Variants in SYT1 observed in about 807,000 individuals in gnomAD.
SYT1 encodes synaptotagmin 1.
In SYT1, 8 loss-of-function variants were observed where a neutral mutation model predicts 44.8. That is an observed-to-expected ratio of 0.18 (90% CI 0.10 to 0.32). The LOEUF (loss-of-function observed/expected upper bound fraction) is 0.32, where lower values mean the gene tolerates loss of function less well. Among genes scored for constraint, SYT1 ranks in the 10% least tolerant of loss-of-function variants. The pLI, the probability that SYT1 is intolerant of heterozygous loss-of-function variation, is 1.00. For missense variants in SYT1, 286 were observed against 509.3 expected (o/e 0.56, Z 4.22); for synonymous variants, 154 against 188.8 (o/e 0.82, Z 1.51).
At chr12:79,050,511 T>G (rs1874398607) in intron 3 of SYT1, among the ~76,000 whole-genome samples, 1 of 152,056 alleles carries the variant, frequency 6.6e-6, no homozygotes, top group Non-Finnish European at 1.5e-5. Flanking sequence ...CTGATCACAC[T>G]GGATACTAAT....
At chr12:79,273,039 C>G (rs1238321497) in intron 4 of SYT1, among the ~76,000 whole-genome samples, 14 of 151,868 alleles carry the variant, frequency 9.2e-5, no homozygotes, top group Admixed American at 8.5e-4. Flanking sequence ...TTTTTTACCC[C>G]CAAGATAGCG....
At chr12:79,012,170 G>A (rs1259879923) in intron 2 of SYT1, among the ~76,000 whole-genome samples, 1 of 151,310 alleles carries the variant, frequency 6.6e-6, no homozygotes, top group Non-Finnish European at 1.5e-5. Flanking sequence ...CATCTGTGGT[G>A]TATTATATCT....
At chr12:79,052,073 T>C (rs1874543174) in intron 3 of SYT1, among the ~76,000 whole-genome samples, 1 of 152,130 alleles carries the variant, frequency 6.6e-6, no homozygotes, top group Non-Finnish European at 1.5e-5. Context: ...AGAAAGTCAT[T>C]GGTAGCTTGA....
chr12:79,182,948 G>A (rs921843284), intron 3 of SYT1, among the ~76,000 whole-genome samples: 1 of 152,046 alleles, frequency 6.6e-6, no homozygotes, highest in Non-Finnish European at 1.5e-5. Flanking sequence ...TTTGATGTAG[G>A]TCAAATTCTG....
intron 4 of SYT1, among the ~76,000 whole-genome samples, chr12:79,269,068 G>A (rs1354094498): frequency 6.7e-6 from 1 of 150,034 alleles, no homozygotes; most frequent in Admixed American, 6.7e-5. Flanking sequence ...TGAATTCCAG[G>A]CCCCTTTTAT....
At chr12:79,350,246 CTTTTT>C (rs1166413638) in intron 8 of SYT1, among the ~76,000 whole-genome samples, 2 of 97,562 alleles carry the variant, frequency 2.0e-5, no homozygotes, top group African/African-American at 4.3e-5. Context: ...GATGCATATT[CTTTTT>C]TTTTTTTTTT....
At chr12:78,919,123 G>A (rs1409055247) in intron 1 of SYT1, among the ~76,000 whole-genome samples, 1 of 151,960 alleles carries the variant, frequency 6.6e-6, no homozygotes. Context: ...GTGCTCCTAT[G>A]TGTTATGCAA....
At chr12:78,995,167 A>G (rs1005582108) in intron 2 of SYT1, among the ~76,000 whole-genome samples, 9 of 152,206 alleles carry the variant, frequency 5.9e-5, no homozygotes, top group African/African-American at 1.9e-4. Context: ...AGCTAAATGC[A>G]CAGTGAAGCC....
chr12:79,041,141 T>A (rs1323421694), intron 2 of SYT1, among the ~76,000 whole-genome samples: 1 of 151,062 alleles, frequency 6.6e-6, no homozygotes, highest in Non-Finnish European at 1.5e-5. Context: ...TTTAAAGTAG[T>A]TTTTTCCAAT....
intron 5 of SYT1, among the ~76,000 whole-genome samples, chr12:79,290,760 A>G (rs2138846609): frequency 6.6e-6 from 1 of 152,332 alleles, no homozygotes; most frequent in East Asian, 1.9e-4. Context: ...TAACACAACA[A>G]TGAAGTTGAA....
chr12:79,028,923 G>A (rs990358725), intron 2 of SYT1, among the ~76,000 whole-genome samples: 2 of 151,214 alleles, frequency 1.3e-5, no homozygotes, highest in Admixed American at 6.6e-5. Flanking sequence ...GCCATTCAAG[G>A]TGGAATAATA....
chr12:79,241,506 A>G (rs915178593), intron 4 of SYT1, among the ~76,000 whole-genome samples: 6 of 152,134 alleles, frequency 3.9e-5, no homozygotes, highest in Non-Finnish European at 5.9e-5. Flanking sequence ...TCCTGGCCTC[A>G]GGTGATCCTC....
chr12:79,431,111 C>T (rs544732183), intron 9 of SYT1, among the ~76,000 whole-genome samples: 1 of 152,342 alleles, frequency 6.6e-6, no homozygotes, highest in Admixed American at 6.5e-5. Flanking sequence ...TGGCAGAATG[C>T]CCACAATTCT....
chr12:79,125,909 G>C (rs1229881968), intron 3 of SYT1, among the ~76,000 whole-genome samples: 1 of 151,926 alleles, frequency 6.6e-6, no homozygotes, highest in Non-Finnish European at 1.5e-5. Context: ...TTCCTTATTT[G>C]TTTTTTTCTT....
intron 2 of SYT1, among the ~76,000 whole-genome samples, chr12:79,041,961 C>T (rs1211659057): frequency 6.6e-6 from 1 of 152,084 alleles, no homozygotes; most frequent in Non-Finnish European, 1.5e-5. Context: ...AGCCTTGCAT[C>T]CCAGTGATGA....
At chr12:79,398,695 T>A (rs1395655719) in intron 9 of SYT1, among the ~76,000 whole-genome samples, 1 of 152,168 alleles carries the variant, frequency 6.6e-6, no homozygotes, top group Non-Finnish European at 1.5e-5. Context: ...TAGACATGTA[T>A]CAAAACATTT....
Position 79,239,148 on chromosome 12 carries a change from T to C in SYT1, c.166+21463T>C, listed in dbSNP as rs565173798. 7.9e-5 allele frequency among the ~76,000 whole-genome samples: 12 copies of C among 152,332 alleles called. No homozygotes were observed. The East Asian group carries it at 2.3e-3, about 29-fold the overall frequency. ...ATACTATGTTTCCCTATTATAAATA[T>C]GTGTAAAAAATTGACTTGTAGAGAT... is the stretch of plus-strand genomic sequence containing the variant. On this transcript the variant is annotated intron_variant, in intron 4 of 10. Transcript: ENST00000261205.
chr12:78,889,186 C>T (rs1410289181), intron 1 of SYT1, among the ~76,000 whole-genome samples: 2 of 151,822 alleles, frequency 1.3e-5, no homozygotes, highest in African/African-American at 2.4e-5. Flanking sequence ...TTCAGGATTT[C>T]TTATCCTGGC....
intron 3 of SYT1, among the ~76,000 whole-genome samples, chr12:79,198,054 T>C (rs1413197818): frequency 6.6e-6 from 1 of 152,172 alleles, no homozygotes; most frequent in Non-Finnish European, 1.5e-5. Flanking sequence ...CACATTACCT[T>C]ATTCAGGTTT....
Sources: gnomAD v4.1 joint callset for allele counts (sites outside exome capture counted in the v4.1 genomes callset) on GRCh38, gnomAD v4.1.1 for gene constraint, MANE v1.5 for transcripts, NCBI Gene and HGNC (gene_info 2026-07-23, HGNC 2026-07-21) for gene names.